IL6R: variants seen among roughly 807,000 people sequenced by gnomAD.
IL6R encodes interleukin 6 receptor.
In IL6R, 38 loss-of-function variants were observed where a neutral mutation model predicts 48.3. That is an observed-to-expected ratio of 0.79 (90% CI 0.61 to 1.03). The LOEUF (loss-of-function observed/expected upper bound fraction) is 1.03, where lower values mean the gene tolerates loss of function less well. Among genes scored for constraint, IL6R ranks in the 50% least tolerant of loss-of-function variants. The pLI is 0.00. For synonymous variants in IL6R, 264 were observed against 256.2 expected (o/e 1.03, Z -0.29); for missense variants, 534 against 618.3 (o/e 0.86, Z 1.45).
intron 7 of IL6R, among the ~76,000 whole-genome samples, chr1:154,449,527 CA>C (rs1274929274): frequency 3.3e-5 from 5 of 150,926 alleles, no homozygotes; most frequent in African/African-American, 4.9e-5. Context: ...AAAAAACAAA[CA>C]AAAAAAAAGA....
In IL6R at chr1:154,465,591, T is replaced by G; in HGVS notation, c.*211T>G. On this transcript the variant is annotated 3_prime_UTR_variant, in exon 10 of 10. Coordinates refer to ENST00000368485, the MANE Select transcript of IL6R (RefSeq NM_000565.4). Reference sequence around the variant, plus strand: ...GAGGTTTCAAACCTCCCTTTCCAAATGCCCAGCTTAAAGGGGCTAGAGTGA... The same window carrying G: ...GAGGTTTCAAACCTCCCTTTCCAAAGGCCCAGCTTAAAGGGGCTAGAGTGA... 1.7e-6 allele frequency: 1 copy of G among 602,408 alleles called. No homozygotes were observed. The highest frequency in any genetic ancestry group is 2.9e-6 in the Non-Finnish European group (1 of 341,498). 37.3% of individuals were successfully genotyped at this position (602,408 alleles called of 1,614,324 possible).
chr1:154,422,734 C>T (rs1385252507), intron 1 of IL6R, among the ~76,000 whole-genome samples: 3 of 152,212 alleles, frequency 2.0e-5, no homozygotes, highest in Non-Finnish European at 2.9e-5. Flanking sequence ...GCCACGCCTT[C>T]GCCCCCGCGT....
In IL6R at chr1:154,434,971, A is replaced by C. The variant is rs747822728; in HGVS notation, c.641-19A>C. The stretch of plus-strand genomic sequence containing the variant: ...CTATATTTGGTGCTGCAAAGGAGTC[A>C]TGCTCACTTTTCCCACAGTGCAGCC... On this transcript the variant is annotated intron_variant, in intron 4 of 9. Transcript: ENST00000368485. 5 of 1,613,014 alleles carry C rather than the reference A, an allele frequency of 3.1e-6. No homozygotes were observed. The highest frequency in any genetic ancestry group is 4.2e-6 in the Non-Finnish European group (5 of 1,179,752).
intron 9 of IL6R, among the ~76,000 whole-genome samples, chr1:154,464,445 G>T (rs949084868): frequency 4.6e-5 from 7 of 152,020 alleles, no homozygotes; most frequent in Non-Finnish European, 1.0e-4. Context: ...GTGAGCCACT[G>T]CGCCCAGCCT....
intron 4 of IL6R, 105 bp from the exon 5 acceptor site, chr1:154,434,885 G>T: frequency 7.7e-7 from 1 of 1,301,014 alleles, no homozygotes. Context: ...TGCATGGGGA[G>T]TGAACGGGGC....
intron 1 of IL6R, among the ~76,000 whole-genome samples, chr1:154,416,326 G>A (rs950359764): frequency 9.1e-6 from 1 of 109,690 alleles, no homozygotes; most frequent in African/African-American, 3.4e-5. Flanking sequence ...TTTTTTTTTT[G>A]TAGAGATGGA....
rs1375090277 is a variant in IL6R at position 154,415,022 on chromosome 1, G to A, written c.85+9308G>A. 5.9e-6 allele frequency: 9 copies of A among 1,525,936 alleles called. No homozygotes were observed. The South Asian group carries it at 9.4e-5, about 16-fold the overall frequency. 94.5% of individuals were successfully genotyped at this position (1,525,936 alleles called of 1,614,324 possible). ...GCTGTTTGGTCAGCTTGGTCCCTGT[G>A]GTTGGCAAGAAGTTGAGCTCCAGAA... On this transcript the variant is annotated intron_variant, in intron 1 of 9. Transcript: ENST00000368485.
chr1:154,422,503 T>C (rs1688728341), intron 1 of IL6R, among the ~76,000 whole-genome samples: 1 of 152,060 alleles, frequency 6.6e-6, no homozygotes, highest in Non-Finnish European at 1.5e-5. Context: ...TAGGAAGGAG[T>C]GCCAGTGCAT....
In IL6R at chr1:154,437,986, T is replaced by A. The variant is rs201543317; in HGVS notation, c.949+1876T>A. On this transcript the variant is annotated intron_variant, in intron 6 of 9. Transcript: ENST00000368485. ...GCCTCGCCCTCCCAAAATGCTGGGA[T>A]TACAGGTGTGAGCCACCGCGCCTGG... Among the ~76,000 whole-genome samples the A allele has an allele frequency of 1.6e-4, 25 of 152,136 alleles. 1 individual carries two copies. In the East Asian group the frequency reaches 4.3e-3, roughly 26 times the overall value.
intron 9 of IL6R, among the ~76,000 whole-genome samples, chr1:154,454,811 C>T (rs945514043): frequency 2.6e-5 from 4 of 152,110 alleles, no homozygotes; most frequent in African/African-American, 7.2e-5. Flanking sequence ...AAGTCAGACA[C>T]GAAGAGGTAA....
chr1:154,465,064 T>C, intron 9 of IL6R, 70 bp from the exon 10 acceptor site: 1 of 1,596,794 alleles, frequency 6.3e-7, no homozygotes, highest in East Asian at 2.2e-5. Context: ...CTGTTGGTGT[T>C]TTCCACTGTG....
At chr1:154,418,924 C>T (rs1008833804) in intron 1 of IL6R, among the ~76,000 whole-genome samples, 2 of 152,106 alleles carry the variant, frequency 1.3e-5, no homozygotes, top group Non-Finnish European at 2.9e-5. Flanking sequence ...GCATTCCCTT[C>T]CCTGGGCCTC....
Position 154,434,590 on chromosome 1 carries a change from A to C in IL6R, c.530A>C (p.Gln177Pro). 1 of 1,614,106 alleles carries C rather than the reference A, an allele frequency of 6.2e-7. No individual in the cohort carries two copies. Among genetic ancestry groups the C allele is most frequent in the Non-Finnish European group, 8.5e-7 (1 of 1,180,010 alleles). ...YSQESQKFSC[Q>P]LAVPEGDSSF... ...CAGGAGTCCCAGAAGTTCTCCTGCC[A>C]GTTAGCAGTCCCGGAGGGAGACAGC... The change falls in exon 4 of 10, where the codon CAG (glutamine) becomes CCG (proline). Residue 177 changes from glutamine to proline, a missense_variant. Transcript: ENST00000368485.
At chr1:154,445,096 T>C (rs1250531394) in intron 6 of IL6R, 2 of 456,046 alleles carry the variant, frequency 4.4e-6, no homozygotes, top group Non-Finnish European at 8.8e-6. Context: ...CAGCTGGAGG[T>C]GAGTCATTTC....
chr1:154,426,161 GACACACACAC>G lies in IL6R; in HGVS notation c.86-3011_86-3002del, dbSNP rs372688307. Among the ~76,000 whole-genome samples, 5 of 118,648 alleles carry G rather than the reference GACACACACAC, an allele frequency of 4.2e-5. No homozygotes were observed. The East Asian group carries it at 6.9e-4, about 16-fold the overall frequency. 77.8% of individuals were successfully genotyped at this position (118,648 alleles called of 152,430 possible). ...AGCACCAGACTGAGACCCTGTATCA[GACACACACAC>G]ACACACACACACACACACACACATA... is the stretch of plus-strand genomic sequence containing the variant. On this transcript the variant is annotated intron_variant, in intron 1 of 9. Coordinates refer to ENST00000368485, the MANE Select transcript of IL6R (RefSeq NM_000565.4).
intron 6 of IL6R, among the ~76,000 whole-genome samples, chr1:154,446,922 T>C (rs2149259246): frequency 6.6e-6 from 1 of 152,316 alleles, no homozygotes; most frequent in African/African-American, 2.4e-5. Flanking sequence ...TCAAAATACA[T>C]AGAATTTTTC....
In IL6R at chr1:154,405,812, G is replaced by A. The variant is rs571572200; in HGVS notation, c.85+98G>A. The A allele has an allele frequency of 9.0e-6, 8 of 888,848 alleles. No individual in the cohort carries two copies. In the Admixed American group the frequency reaches 3.0e-4, roughly 33 times the overall value. 55.1% of individuals were successfully genotyped at this position (888,848 alleles called of 1,614,324 possible). A position where few individuals can be genotyped will look rare whatever the true frequency, so the allele number is the denominator to read the frequency against. On this transcript the variant is annotated intron_variant, in intron 1 of 9. Transcript: ENST00000368485. The surrounding 1 kb of genome is among the most constrained non-coding windows in gnomAD (Gnocchi z 5.2). ...CTGTGGGAGGCTGGAGGGAGGAAAG[G>A]AGGTGCGACGGATCCCCTTTTCTGT...
chr1:154,458,893 TC>T (rs1691078180), intron 9 of IL6R, among the ~76,000 whole-genome samples: 1 of 134,802 alleles, frequency 7.4e-6, no homozygotes, highest in African/African-American at 3.0e-5. Flanking sequence ...AGAAGGAGAC[TC>T]CATCTCAAAA....
At chr1:154,462,279 T>C (rs1481095018) in intron 9 of IL6R, among the ~76,000 whole-genome samples, 1 of 152,226 alleles carries the variant, frequency 6.6e-6, no homozygotes, top group Non-Finnish European at 1.5e-5. Context: ...CAGCCATGAT[T>C]ATTCTGTATC....
Sources: allele counts gnomAD v4.1 joint callset (sites outside exome capture counted in the v4.1 genomes callset), GRCh38; gene constraint gnomAD v4.1.1; non-coding constraint Gnocchi (gnomAD v3.1); transcripts MANE v1.5; gene names NCBI Gene and HGNC (gene_info 2026-07-23, HGNC 2026-07-21).